The following FOCAD variants were observed in gnomAD, a reference collection of about 807,000 sequenced individuals.
FOCAD encodes the protein focadhesin, also known as KIAA1797.
In FOCAD, 198 loss-of-function variants were observed where a neutral mutation model predicts 225.6. The ratio of observed to expected loss-of-function variants is 0.88; its 90% CI spans 0.78 to 0.99. FOCAD has a LOEUF of 0.99. Among genes scored for constraint, FOCAD ranks in the 50% least tolerant of loss-of-function variants. The pLI is 0.00. For missense variants in FOCAD, 2,713 were observed against 2,123.6 expected (o/e 1.28, Z -5.46); for synonymous variants, 897 against 755.0 (o/e 1.19, Z -3.08).
At chr9:20,664,655 T>TTC (rs1821841541) in intron 2 of FOCAD, among the ~76,000 whole-genome samples, 1 of 150,716 alleles carries the variant, frequency 6.6e-6, no homozygotes, top group Non-Finnish European at 1.5e-5. Flanking sequence ...TTTTTTTTTT[T>TTC]TCTCATGGAG....
intron 35 of FOCAD, among the ~76,000 whole-genome samples, chr9:20,962,321 C>T (rs1369892436): frequency 2.6e-5 from 4 of 151,898 alleles, no homozygotes; most frequent in Non-Finnish European, 4.4e-5. Flanking sequence ...TGTGTTTTAT[C>T]GTAAATACTT....
Position 20,874,792 on chromosome 9 carries a change from C to G in FOCAD, c.2302C>G (p.Pro768Ala), listed in dbSNP as rs1157236195. The change falls in exon 19 of 44, where the codon CCT (proline) becomes GCT (alanine). Residue 768 changes from proline (P) to alanine (A), a missense_variant. By Grantham distance (27) the Pro-to-Ala change is conservative. Coordinates refer to ENST00000338382, the MANE Select transcript of FOCAD (RefSeq NM_001375567.1). ...TCTCAAACTGTTGTCACTCACTCCCCCTTTGGTTTTACCAGGTGACTCCTA... is the reference window on the plus strand; with the variant it reads ...TCTCAAACTGTTGTCACTCACTCCCGCTTTGGTTTTACCAGGTGACTCCTA... ...CYLKLLSLTP[P>A]LVLPALEEFF... 3.7e-6 allele frequency: 6 copies of G among 1,613,576 alleles called. No homozygotes were observed. The highest frequency in any genetic ancestry group is 4.2e-6 in the Non-Finnish European group (5 of 1,179,666).
At chr9:20,964,470 A>G (rs1433356063) in intron 35 of FOCAD, among the ~76,000 whole-genome samples, 2 of 152,186 alleles carry the variant, frequency 1.3e-5, no homozygotes, top group Non-Finnish European at 2.9e-5. Flanking sequence ...TTACATCTCA[A>G]GATGGAACAG....
At chr9:20,914,101 C>CA (rs35856539) in intron 23 of FOCAD, among the ~76,000 whole-genome samples, 29,912 of 127,912 alleles carry the variant, frequency 0.23, 3,507 homozygotes, top group South Asian at 0.37. Flanking sequence ...TCTGTCTTTC[C>CA]AAAAAAAAAA....
At chr9:20,693,244 A>G (rs1412177850) in intron 1 of FOCAD, among the ~76,000 whole-genome samples, 1 of 152,186 alleles carries the variant, frequency 6.6e-6, no homozygotes, top group Non-Finnish European at 1.5e-5. Context: ...TCACCATGGC[A>G]TTGGCACTGC....
chr9:20,897,956 G>A (rs866436685), intron 21 of FOCAD, among the ~76,000 whole-genome samples: 1 of 151,656 alleles, frequency 6.6e-6, no homozygotes, highest in Non-Finnish European at 1.5e-5. Context: ...AATTTTGCTT[G>A]TCTGAGCAAG....
intron 11 of FOCAD, among the ~76,000 whole-genome samples, chr9:20,815,137 G>GTTTTTTTTTTTTTTTTTTTTTTTTTTTTT (rs71334555): frequency 2.0e-4 from 14 of 69,146 alleles, no homozygotes; most frequent in African/African-American, 4.2e-4. Flanking sequence ...TTTTTTTTTT[G>GTTTTTTTTTTTTTTTTTTTTTTTTTTTTT]TTTTTTTTTT....
intron 24 of FOCAD, among the ~76,000 whole-genome samples, chr9:20,921,765 C>G (rs73648445): frequency 0.014 from 2,095 of 152,228 alleles, 54 homozygotes; most frequent in African/African-American, 0.047. Context: ...TCAGATATGT[C>G]AAGACTAGTG....
intron 11 of FOCAD, among the ~76,000 whole-genome samples, chr9:20,802,738 A>G (rs1334262769): frequency 6.6e-6 from 1 of 152,098 alleles, no homozygotes; most frequent in Admixed American, 6.5e-5. Flanking sequence ...AAATCCTATT[A>G]ATTTAGAGCT....
chr9:20,803,293 G>A (rs1822042126), intron 11 of FOCAD, among the ~76,000 whole-genome samples: 1 of 152,010 alleles, frequency 6.6e-6, no homozygotes, highest in African/African-American at 2.4e-5. Flanking sequence ...CTAGTGACTG[G>A]GACTTCAGCC....
intron 5 of FOCAD, among the ~76,000 whole-genome samples, chr9:20,740,867 T>C (rs1827559944): frequency 6.6e-6 from 1 of 152,142 alleles, no homozygotes; most frequent in Non-Finnish European, 1.5e-5. Flanking sequence ...GTAGCAATAA[T>C]ACTACAATGC....
intron 24 of FOCAD, among the ~76,000 whole-genome samples, chr9:20,921,935 A>G (rs544305619): frequency 6.6e-6 from 1 of 152,314 alleles, no homozygotes; most frequent in Non-Finnish European, 1.5e-5. Context: ...CGTTTTCTAC[A>G]GAGTAATAAA....
chr9:20,948,204 A>G (rs1402250550), intron 30 of FOCAD, 67 bp from the exon 31 acceptor site: 1 of 1,446,348 alleles, frequency 6.9e-7, no homozygotes, highest in Non-Finnish European at 9.3e-7. Flanking sequence ...GTTGCTATTT[A>G]TAAACATTCT....
upstream of FOCAD, among the ~76,000 whole-genome samples, chr9:20,682,359 G>A (rs985937939): frequency 1.3e-5 from 2 of 152,198 alleles, no homozygotes; most frequent in African/African-American, 4.8e-5. Context: ...GAGGCAGTAC[G>A]TTTACTCATT....
intron 18 of FOCAD, among the ~76,000 whole-genome samples, chr9:20,871,508 G>A (rs1425730562): frequency 6.6e-6 from 1 of 151,696 alleles, no homozygotes; most frequent in Non-Finnish European, 1.5e-5. Context: ...TTATTAAATT[G>A]TTGCACACAA....
upstream of FOCAD, among the ~76,000 whole-genome samples, chr9:20,681,616 A>T (rs137879187): frequency 2.5e-3 from 379 of 152,312 alleles, no homozygotes; most frequent in African/African-American, 8.8e-3. Context: ...TGTCAAAATA[A>T]ATCTGGTGGC....
Position 20,838,459 on chromosome 9 carries a change from G to A in FOCAD, c.1920+15344G>A, listed in dbSNP as rs558130787. ...TCTACTTATGTAAATTGTCATTTGA[G>A]CAATTTACTTGCTTAAACAATTTAC... On this transcript the variant is annotated intron_variant, in intron 15 of 43. Coordinates refer to ENST00000338382, the MANE Select transcript of FOCAD (RefSeq NM_001375567.1). 3.3e-5 allele frequency among the ~76,000 whole-genome samples: 5 copies of A among 152,136 alleles called. No individual in the cohort carries two copies. In the East Asian group the frequency reaches 7.7e-4, roughly 24 times the overall value.
chr9:20,985,827 A>T (rs10117142), intron 39 of FOCAD, among the ~76,000 whole-genome samples: 56,813 of 152,080 alleles, frequency 0.37, 10,924 homozygotes, highest in East Asian at 0.5. Context: ...AGTACAATAT[A>T]CAATGAATAC....
intron 37 of FOCAD, 24 bp downstream of exon 37, chr9:20,978,478 G>T: frequency 6.8e-7 from 1 of 1,465,914 alleles, no homozygotes; most frequent in Non-Finnish European, 9.4e-7. Flanking sequence ...AAGGGTGTTG[G>T]CCAACAGGAG....
Sources: allele counts gnomAD v4.1 joint callset (sites outside exome capture counted in the v4.1 genomes callset), GRCh38; gene constraint gnomAD v4.1.1; transcripts MANE v1.5; gene names NCBI Gene and HGNC (gene_info 2026-07-23, HGNC 2026-07-21).